The following PPP1R13B variants were observed in gnomAD, a reference collection of about 807,000 sequenced individuals.
The protein encoded by PPP1R13B is apoptosis-stimulating of p53 protein 1.
In PPP1R13B, 44 loss-of-function variants were observed where a neutral mutation model predicts 119.8. That is an observed-to-expected ratio of 0.37 (90% CI 0.29 to 0.47). PPP1R13B has a LOEUF of 0.47. Ranked by LOEUF, PPP1R13B falls within the 20% of genes least tolerant of loss-of-function variation. The pLI is 0.99. For synonymous variants in PPP1R13B, 542 were observed against 561.5 expected, an observed-to-expected ratio of 0.97 and a Z score of 0.49; for missense variants, 1,227 against 1,413.5, an observed-to-expected ratio of 0.87 and a Z score of 2.12.
At chr14:103,810,712 A>G (rs901205007) in intron 1 of PPP1R13B, among the ~76,000 whole-genome samples, 5 of 151,932 alleles carry the variant, frequency 3.3e-5, no homozygotes, top group Admixed American at 6.6e-5. Context: ...TGGCGCTTGC[A>G]GTGAGCCGAG....
chr14:103,832,151 C>T (rs553640623), intron 1 of PPP1R13B, among the ~76,000 whole-genome samples: 2 of 151,900 alleles, frequency 1.3e-5, no homozygotes, highest in Admixed American at 6.6e-5. Flanking sequence ...CACAGCTCAT[C>T]TAAAATGTAT....
chr14:103,847,638 G>C, upstream of PPP1R13B: 1 of 984,034 alleles, frequency 1.0e-6, no homozygotes, highest in African/African-American at 1.7e-5. Flanking sequence ...GCGACGCCCC[G>C]CACGGGTCCC....
At chr14:103,745,172 G>T (rs1391312785) in intron 9 of PPP1R13B, among the ~76,000 whole-genome samples, 1 of 152,214 alleles carries the variant, frequency 6.6e-6, no homozygotes, top group Non-Finnish European at 1.5e-5. Context: ...GGATCTGAGT[G>T]GGGGCTTGTG....
intron 5 of PPP1R13B, among the ~76,000 whole-genome samples, chr14:103,756,137 C>G (rs1390066418): frequency 6.6e-6 from 1 of 151,810 alleles, no homozygotes; most frequent in Admixed American, 6.6e-5. Flanking sequence ...CTCTGTCACC[C>G]AGGCTGCAGT....
In PPP1R13B at chr14:103,847,279, TCCCG is replaced by T; in HGVS notation, c.9+16_9+19del. Reference sequence around the variant, plus strand: ...GCCCGCGGAGGAAGCCGCCGCCACCTCCCGCCCGCCCTCACCCACCGGCATCATC... The same window carrying T: ...GCCCGCGGAGGAAGCCGCCGCCACCTCCCGCCCTCACCCACCGGCATCATC... On this transcript the variant is annotated intron_variant, in intron 1 of 16. Transcript: ENST00000202556. 8.4e-7 allele frequency: 1 copy of T among 1,193,114 alleles called. No homozygotes were observed. The highest frequency in any genetic ancestry group is 1.1e-6 in the Non-Finnish European group (1 of 947,352). The allele number at this position is 1,193,114 out of a possible 1,614,324, so 73.9% of individuals were successfully genotyped here.
At chr14:103,744,475 A>C (rs1421769245) in intron 9 of PPP1R13B, among the ~76,000 whole-genome samples, 1 of 152,172 alleles carries the variant, frequency 6.6e-6, no homozygotes, top group Non-Finnish European at 1.5e-5. Context: ...GAAAGGGACA[A>C]ATTACGTTTG....
chr14:103,761,520 T>C (rs988523023), intron 4 of PPP1R13B, among the ~76,000 whole-genome samples: 1 of 151,954 alleles, frequency 6.6e-6, no homozygotes, highest in Non-Finnish European at 1.5e-5. Context: ...TCCCAGCGCT[T>C]TGGGAGGCCA....
In PPP1R13B at chr14:103,778,820, A is replaced by C. The variant is rs572883607; in HGVS notation, c.279T>G (p.Gly93=). The change falls in exon 4 of 17, where the codon GGT becomes GGG. Residue 93 remains glycine, a splice_region_variant and synonymous_variant. Coordinates refer to ENST00000202556, the MANE Select transcript of PPP1R13B (RefSeq NM_015316.3). The part of the protein sequence containing the change: ...EDSPTENSEQ[G]GRQTQEQRTQ... ...TTCGTTGCTCTTGGGTCTGACGGCC[A>C]CCTAAAGAAATAAAAGAACCAAACT... is the stretch of plus-strand genomic sequence containing the variant. 10 of 1,613,428 alleles carry C rather than the reference A, an allele frequency of 6.2e-6. No homozygotes were observed. The South Asian group carries it at 9.9e-5, about 16-fold the overall frequency.
chr14:103,746,322 C>A, intron 9 of PPP1R13B, 51 bp downstream of exon 9: 1 of 493,572 alleles, frequency 2.0e-6, no homozygotes, highest in South Asian at 3.8e-5. Flanking sequence ...ACCGCAGGCC[C>A]CATTCCCTGC....
At chr14:103,754,561 C>CAAAA (rs771794623) in intron 5 of PPP1R13B, among the ~76,000 whole-genome samples, 21 of 41,008 alleles carry the variant, frequency 5.1e-4, no homozygotes, top group African/African-American at 1.7e-3. Context: ...GACTCAGTCT[C>CAAAA]AAAAAAAAAA....
rs200012700 is a variant in PPP1R13B at position 103,772,675 on chromosome 14, C to CTT, written c.354+6068_354+6069dup. On this transcript the variant is annotated intron_variant, in intron 4 of 16. Transcript: ENST00000202556. Reference sequence around the variant, plus strand: ...TTCAATCTTTCACCTGTTTCTTTTTCTTTTTTTTTTTTTTTGAGACAGAGT... The same window carrying CTT: ...TTCAATCTTTCACCTGTTTCTTTTTCTTTTTTTTTTTTTTTTTGAGACAGAGT... Among the ~76,000 whole-genome samples the CTT allele has an allele frequency of 3.5e-3, 492 of 140,594 alleles. 2 individuals carry two copies. The highest frequency in any genetic ancestry group is 0.012 in the African/African-American group (472 of 38,646). 92.2% of individuals were successfully genotyped at this position (140,594 alleles called of 152,430 possible). A position where few individuals can be genotyped will look rare whatever the true frequency, so the allele number is the denominator to read the frequency against.
chr14:103,792,977 C>T (rs961683083), intron 2 of PPP1R13B, among the ~76,000 whole-genome samples: 1 of 151,574 alleles, frequency 6.6e-6, no homozygotes, highest in East Asian at 1.9e-4. Context: ...GAGGCTGAGG[C>T]AGGAGAATCA....
At chr14:103,750,894 G>C (rs569513191) in intron 7 of PPP1R13B, among the ~76,000 whole-genome samples, 2 of 151,498 alleles carry the variant, frequency 1.3e-5, no homozygotes, top group African/African-American at 4.9e-5. Context: ...AGTGGCTCAC[G>C]CCTATAATCC....
At chr14:103,765,295 G>A (rs2084913477) in intron 4 of PPP1R13B, among the ~76,000 whole-genome samples, 1 of 152,070 alleles carries the variant, frequency 6.6e-6, no homozygotes, top group African/African-American at 2.4e-5. Context: ...TATATTATTT[G>A]GAATAAAAAA....
rs775060474 is a variant in PPP1R13B at position 103,737,772 on chromosome 14, T to C, written c.2953A>G (p.Ile985Val). 6.2e-6 allele frequency: 10 copies of C among 1,614,190 alleles called. No homozygotes were observed. Among genetic ancestry groups the C allele is most frequent in the Non-Finnish European group, 7.6e-6 (9 of 1,180,018 alleles). Residue 985 changes from isoleucine (I) to valine (V), a missense_variant, in exon 15 of 17, where the codon ATA becomes GTA. Transcript: ENST00000202556. ...ESGAAIFAST[I>V]SDIETAADKC... ...TCTGCAGCAGTTTCAATGTCGCTTA[T>C]GGTTGAGGCAAAAATGGCGGCACCA...
chr14:103,847,376 G>A lies in PPP1R13B; in HGVS notation c.-69C>T. The A allele has an allele frequency of 2.7e-6, 3 of 1,095,308 alleles. No individual in the cohort carries two copies. Among genetic ancestry groups the A allele is most frequent in the Non-Finnish European group, 1.1e-6 (1 of 898,724 alleles). 67.8% of individuals were successfully genotyped at this position (1,095,308 alleles called of 1,614,324 possible). A position where few individuals can be genotyped will look rare whatever the true frequency, so the allele number is the denominator to read the frequency against. ...CGCTCCGCGCCGAGCTGTGCCCACC[G>A]CTCCGGCCGCCTCCTAAGGCCGCGC... is the stretch of plus-strand genomic sequence containing the variant. On this transcript the variant is annotated 5_prime_UTR_variant, in exon 1 of 17. Transcript: ENST00000202556.
intron 9 of PPP1R13B, chr14:103,744,051 G>A (rs2084326695): frequency 6.6e-6 from 1 of 152,246 alleles, no homozygotes; most frequent in African/African-American, 2.4e-5. Flanking sequence ...TGCTCCACGT[G>A]GCCTGGAGGA....
At chr14:103,823,099 G>A (rs1036291897) in intron 1 of PPP1R13B, among the ~76,000 whole-genome samples, 4 of 152,152 alleles carry the variant, frequency 2.6e-5, no homozygotes, top group Non-Finnish European at 5.9e-5. Flanking sequence ...AGCACTTTGG[G>A]AGGCTGAGGC....
chr14:103,762,910 G>A, intron 4 of PPP1R13B: 1 of 944,388 alleles, frequency 1.1e-6, no homozygotes, highest in South Asian at 1.4e-5. Flanking sequence ...TTTCCATCAG[G>A]ACAAACAGCC....
Sources: gnomAD v4.1 joint callset for allele counts (sites outside exome capture counted in the v4.1 genomes callset) on GRCh38, gnomAD v4.1.1 for gene constraint, MANE v1.5 for transcripts, NCBI Gene and HGNC (gene_info 2026-07-23, HGNC 2026-07-21) for gene names.